The following ZNF521 variants were observed in gnomAD, a reference collection of about 807,000 sequenced individuals.
ZNF521 encodes LYST-interacting protein 3.
A neutral mutation model predicts 105.5 loss-of-function variants in ZNF521; 14 were observed. The observed-to-expected ratio is 0.13, with a 90% CI of 0.09 to 0.21. The LOEUF is 0.21. Among genes scored for constraint, ZNF521 ranks in the 10% least tolerant of loss-of-function variants. The pLI, the probability that ZNF521 is intolerant of heterozygous loss-of-function variation, is 1.00. For synonymous variants in ZNF521, 635 were observed against 606.0 expected, an observed-to-expected ratio of 1.05 and a Z score of -0.70; for missense variants, 1,233 against 1,629.7, an observed-to-expected ratio of 0.76 and a Z score of 4.19.
intron 3 of ZNF521, among the ~76,000 whole-genome samples, chr18:25,285,230 C>G (rs999291354): frequency 6.6e-6 from 1 of 152,118 alleles, no homozygotes; most frequent in African/African-American, 2.4e-5. Context: ...TAGTAAAGAC[C>G]GCTTGGGGAC....
chr18:25,275,933 C>T (rs1014464118), intron 3 of ZNF521, among the ~76,000 whole-genome samples: 3 of 152,168 alleles, frequency 2.0e-5, no homozygotes, highest in African/African-American at 7.2e-5. Context: ...TAAAAGACGT[C>T]CAGGGAAGCT....
intron 5 of ZNF521, among the ~76,000 whole-genome samples, chr18:25,183,452 TTGAGGTATTCAGTAGG>T (rs930776999): frequency 9.8e-5 from 15 of 152,296 alleles, no homozygotes; most frequent in Admixed American, 5.9e-4. Flanking sequence ...TGTAAATTGG[TTGAGGTATTCAGTAGG>T]TGTGAATCTG....
Position 25,067,474 on chromosome 18 carries a change from G to C in ZNF521, c.3907-4733C>G, listed in dbSNP as rs192934935. 1.2e-4 allele frequency among the ~76,000 whole-genome samples: 19 copies of C among 152,226 alleles called. No homozygotes were observed. The East Asian group carries it at 3.1e-3, about 25-fold the overall frequency. ...AGACTGGAATTCTCATTTTGGGCTTGGCACTCTAACAAATGATTAATTCAG... is the reference window on the plus strand; with the variant it reads ...AGACTGGAATTCTCATTTTGGGCTTCGCACTCTAACAAATGATTAATTCAG... On this transcript the variant is annotated intron_variant, in intron 7 of 7. Transcript: ENST00000361524.
chr18:25,160,256 G>A (rs1457315072), intron 5 of ZNF521, among the ~76,000 whole-genome samples: 6 of 152,170 alleles, frequency 3.9e-5, no homozygotes, highest in Non-Finnish European at 5.9e-5. Flanking sequence ...TCAGAGGATA[G>A]AACAGTGCAG....
intron 4 of ZNF521, among the ~76,000 whole-genome samples, chr18:25,205,275 AT>A (rs972487222): frequency 3.3e-5 from 5 of 151,824 alleles, no homozygotes; most frequent in African/African-American, 1.2e-4. Context: ...GACATTTATA[AT>A]TCATAGTAAA....
chr18:25,260,941 C>T (rs759253597), intron 3 of ZNF521, among the ~76,000 whole-genome samples: 51 of 152,248 alleles, frequency 3.3e-4, no homozygotes, highest in South Asian at 6.2e-4. Flanking sequence ...AAAATTAAGG[C>T]ACAATTTCAA....
intron 3 of ZNF521, among the ~76,000 whole-genome samples, chr18:25,244,475 C>T (rs1237069551): frequency 6.6e-6 from 1 of 152,138 alleles, no homozygotes; most frequent in Non-Finnish European, 1.5e-5. Context: ...GCCACTCCTC[C>T]TGTTCTAGAG....
chr18:25,164,654 C>T (rs1186255718), intron 5 of ZNF521, among the ~76,000 whole-genome samples: 1 of 152,124 alleles, frequency 6.6e-6, no homozygotes, highest in African/African-American at 2.4e-5. Context: ...GGCTTCTCCC[C>T]ATACAAGGGA....
Position 25,323,486 on chromosome 18 carries a change from A to T in ZNF521, c.41-1299T>A, listed in dbSNP as rs145605749. ...TACTAGGCAGCCCAAGCAGAAGTGC[A>T]GTGGCTATTCATAGGCACTATCATA... is the stretch of plus-strand genomic sequence containing the variant. On this transcript the variant is annotated intron_variant, in intron 2 of 7. Coordinates refer to ENST00000361524, the MANE Select transcript of ZNF521 (RefSeq NM_015461.3). Among the ~76,000 whole-genome samples, 282 of 152,162 alleles carry T rather than the reference A, an allele frequency of 1.9e-3. 1 individual carries two copies. The highest frequency in any genetic ancestry group is 6.6e-3 in the African/African-American group (273 of 41,522).
chr18:25,144,827 G>T (rs1023340609), intron 5 of ZNF521, among the ~76,000 whole-genome samples: 2 of 152,132 alleles, frequency 1.3e-5, no homozygotes, highest in African/African-American at 4.8e-5. Context: ...AGTGATTTTA[G>T]AATCTCAAGA....
intron 3 of ZNF521, among the ~76,000 whole-genome samples, chr18:25,304,924 GT>G (rs1333026667): frequency 1.3e-5 from 2 of 152,174 alleles, no homozygotes; most frequent in African/African-American, 4.8e-5. Context: ...TAGGCAATAG[GT>G]TTCATGACTC....
chr18:25,195,306 T>TA, intron 4 of ZNF521, 62 bp from the exon 5 acceptor site: 1 of 1,332,960 alleles, frequency 7.5e-7, no homozygotes, highest in Non-Finnish European at 1.0e-6. Context: ...TTTCTTTGTT[T>TA]AAAAAACATT....
intron 3 of ZNF521, among the ~76,000 whole-genome samples, chr18:25,233,342 A>T (rs946732037): frequency 1.5e-4 from 22 of 149,172 alleles, no homozygotes; most frequent in African/African-American, 4.4e-4. Context: ...CTTCTTTTTA[A>T]AAAAAAAAAA....
At chr18:25,311,250 A>C (rs1202820299) in intron 3 of ZNF521, among the ~76,000 whole-genome samples, 1 of 152,116 alleles carries the variant, frequency 6.6e-6, no homozygotes, top group East Asian at 1.9e-4. Flanking sequence ...GACTTAGCAC[A>C]AAGAGAAGGG....
chr18:25,294,739 C>T (rs1911226856), intron 3 of ZNF521, among the ~76,000 whole-genome samples: 1 of 151,112 alleles, frequency 6.6e-6, no homozygotes, highest in Non-Finnish European at 1.5e-5. Flanking sequence ...CTTGTAATCC[C>T]AGCTACTAGG....
intron 7 of ZNF521, among the ~76,000 whole-genome samples, chr18:25,087,559 G>T (rs1375295897): frequency 6.6e-6 from 1 of 152,132 alleles, no homozygotes; most frequent in Non-Finnish European, 1.5e-5. Context: ...ACTTAATTCT[G>T]CCTCACAGTT....
At chr18:25,148,781 G>A (rs2034992953) in intron 5 of ZNF521, among the ~76,000 whole-genome samples, 2 of 152,110 alleles carry the variant, frequency 1.3e-5, no homozygotes, top group Non-Finnish European at 2.9e-5. Context: ...TAGGGCTCAA[G>A]GAGAGATTGG....
At chr18:25,109,707 T>C (rs2034145987) in intron 5 of ZNF521, among the ~76,000 whole-genome samples, 1 of 152,228 alleles carries the variant, frequency 6.6e-6, no homozygotes, top group African/African-American at 2.4e-5. Context: ...ATTAGTGATG[T>C]TGAGCATTTT....
At chr18:25,246,507 A>G (rs1907735215) in intron 3 of ZNF521, among the ~76,000 whole-genome samples, 1 of 152,036 alleles carries the variant, frequency 6.6e-6, no homozygotes, top group Non-Finnish European at 1.5e-5. Context: ...TGTTCACTAT[A>G]TTTTATATTG....
Sources: allele counts gnomAD v4.1 joint callset (sites outside exome capture counted in the v4.1 genomes callset), GRCh38; gene constraint gnomAD v4.1.1; transcripts MANE v1.5; gene names NCBI Gene and HGNC (gene_info 2026-07-23, HGNC 2026-07-21).